The following CNTN4 variants were observed in gnomAD, a reference collection of about 807,000 sequenced individuals.
CNTN4 encodes contactin-4.
CNTN4 carries 77 observed loss-of-function variants against 122.5 expected under a neutral mutation model. That is an observed-to-expected ratio of 0.63 (90% CI 0.52 to 0.76). CNTN4 has a LOEUF of 0.76. CNTN4 is among the 30% of genes least tolerant of loss of function. CNTN4 has a pLI of 0.00. For synonymous variants in CNTN4, 512 were observed against 447.0 expected (o/e 1.15, Z -1.83); for missense variants, 1,256 against 1,259.1 (o/e 1.00, Z 0.04).
At chr3:2,316,284 T>C (rs957213411) in intron 2 of CNTN4, among the ~76,000 whole-genome samples, 2 of 152,090 alleles carry the variant, frequency 1.3e-5, no homozygotes, top group African/African-American at 4.8e-5. Context: ...TTCATCTGTC[T>C]GACAATAAAA....
rs556262254 is a variant in CNTN4 at position 2,397,453 on chromosome 3, C to T, written c.-89+58220C>T. Among the ~76,000 whole-genome samples, 79 of 150,376 alleles carry T rather than the reference C, an allele frequency of 5.3e-4. 2 individuals carry two copies. The South Asian group carries it at 0.012, about 23-fold the overall frequency. ...AAATTTATAAGCTTAAATTCTGTTC[C>T]GTTTTGTGAGCACAAGATTAGTCTC... is the stretch of plus-strand genomic sequence containing the variant. On this transcript the variant is annotated intron_variant, in intron 3 of 24. Transcript: ENST00000418658.
chr3:2,798,397 C>CTATCTATCTATCTATCTATCTATCTATA lies in CNTN4; in HGVS notation c.359-21076_359-21075insATCTATCTATCTATATATCTATCTATCT, dbSNP rs1422567263. Among the ~76,000 whole-genome samples, 182 of 148,126 alleles carry CTATCTATCTATCTATCTATCTATCTATA rather than the reference C, an allele frequency of 1.2e-3. 1 individual carries two copies. Among genetic ancestry groups the CTATCTATCTATCTATCTATCTATCTATA allele is most frequent in the Admixed American group, 1.8e-3 (26 of 14,560 alleles). On this transcript the variant is annotated intron_variant, in intron 6 of 24. Transcript: ENST00000418658. ...TCTATCTATCTATCTATCTATATAT[C>CTATCTATCTATCTATCTATCTATCTATA]TATCTATCTATCTCCCATTTTCTTT... is the stretch of plus-strand genomic sequence containing the variant.
intron 2 of CNTN4, among the ~76,000 whole-genome samples, chr3:2,259,021 G>A (rs371991711): frequency 6.6e-6 from 1 of 151,876 alleles, no homozygotes; most frequent in Non-Finnish European, 1.5e-5. Flanking sequence ...GTGAGGAGAC[G>A]AAGACATACA....
At chr3:2,425,430 A>C (rs1471547013) in intron 3 of CNTN4, among the ~76,000 whole-genome samples, 1 of 151,992 alleles carries the variant, frequency 6.6e-6, no homozygotes, top group East Asian at 1.9e-4. Flanking sequence ...ATTGGTCTTC[A>C]TCTCTGTTTT....
At chr3:2,900,626 A>T in intron 10 of CNTN4, 59 bp from the exon 11 acceptor site, 1 of 1,575,368 alleles carries the variant, frequency 6.3e-7, no homozygotes, top group Non-Finnish European at 8.7e-7. Flanking sequence ...TGAATATGAT[A>T]AAAATAGATT....
At chr3:2,421,725 G>T (rs963622563) in intron 3 of CNTN4, among the ~76,000 whole-genome samples, 2 of 152,096 alleles carry the variant, frequency 1.3e-5, no homozygotes, top group African/African-American at 4.8e-5. Context: ...CAAACACCAA[G>T]ACCATTTGTA....
chr3:2,350,256 G>A (rs1685496), intron 3 of CNTN4, among the ~76,000 whole-genome samples: 52,682 of 152,032 alleles, frequency 0.35, 9,362 homozygotes, highest in Admixed American at 0.4. Context: ...AACCATGTTG[G>A]TAATGACAGA....
chr3:2,447,217 C>T (rs995727700), intron 3 of CNTN4, among the ~76,000 whole-genome samples: 2 of 152,088 alleles, frequency 1.3e-5, no homozygotes, highest in Non-Finnish European at 2.9e-5. Flanking sequence ...AGTACCCCAC[C>T]TCCCTCCATA....
chr3:2,710,915 T>A (rs1222319776), intron 4 of CNTN4, among the ~76,000 whole-genome samples: 1 of 152,100 alleles, frequency 6.6e-6, no homozygotes, highest in East Asian at 1.9e-4. Flanking sequence ...AGCATGAAAA[T>A]GTACTTGACC....
chr3:2,740,907 T>C (rs1353276572), intron 5 of CNTN4, among the ~76,000 whole-genome samples: 1 of 152,200 alleles, frequency 6.6e-6, no homozygotes, highest in African/African-American at 2.4e-5. Flanking sequence ...ATCAAACATA[T>C]TCATTATTCA....
intron 8 of CNTN4, among the ~76,000 whole-genome samples, chr3:2,881,374 A>G (rs1397233813): frequency 3.9e-5 from 6 of 152,256 alleles, no homozygotes; most frequent in African/African-American, 1.4e-4. Context: ...GTAGCCATGC[A>G]TGGTGGCACG....
intron 13 of CNTN4, among the ~76,000 whole-genome samples, chr3:2,973,039 T>G (rs1364306701): frequency 6.6e-6 from 1 of 152,064 alleles, no homozygotes; most frequent in African/African-American, 2.4e-5. Context: ...TGTTCTGTCA[T>G]CATGAGAATT....
chr3:2,745,495 TTATC>T (rs1344539324), intron 5 of CNTN4, 23 bp from the exon 6 acceptor site: 2 of 1,577,912 alleles, frequency 1.3e-6, no homozygotes, highest in East Asian at 4.5e-5. Context: ...TGACAAGACT[TTATC>T]TACTGGCATT....
chr3:2,395,766 A>T (rs1171476742), intron 3 of CNTN4, among the ~76,000 whole-genome samples: 1 of 152,178 alleles, frequency 6.6e-6, no homozygotes, highest in Non-Finnish European at 1.5e-5. Flanking sequence ...CATGAATGAC[A>T]TGATGTCATT....
At chr3:2,716,192 T>A (rs923970664) in intron 4 of CNTN4, among the ~76,000 whole-genome samples, 2 of 152,148 alleles carry the variant, frequency 1.3e-5, no homozygotes, top group South Asian at 4.1e-4. Context: ...CATTTTTTAA[T>A]ATACCAATTA....
intron 2 of CNTN4, among the ~76,000 whole-genome samples, chr3:2,280,897 G>A (rs1197656474): frequency 1.3e-5 from 2 of 152,180 alleles, no homozygotes; most frequent in Non-Finnish European, 2.9e-5. Context: ...CGTCACACTG[G>A]CATCAACCTC....
intron 2 of CNTN4, among the ~76,000 whole-genome samples, chr3:2,162,781 C>A (rs1332618310): frequency 2.0e-5 from 3 of 152,114 alleles, no homozygotes; most frequent in Non-Finnish European, 4.4e-5. Flanking sequence ...GAGGATATCA[C>A]ATTTATCAAA....
chr3:2,326,519 C>T (rs12634092), intron 2 of CNTN4, among the ~76,000 whole-genome samples: 2,595 of 140,020 alleles, frequency 0.019, 64 homozygotes, highest in East Asian at 0.076. Flanking sequence ...CACACACACA[C>T]ACACACACAA....
At chr3:2,575,176 T>C (rs1193700031) in intron 4 of CNTN4, among the ~76,000 whole-genome samples, 1 of 151,972 alleles carries the variant, frequency 6.6e-6, no homozygotes, top group Non-Finnish European at 1.5e-5. Flanking sequence ...ATCATATGTA[T>C]CCCCAAAATA....
Sources: gnomAD v4.1 joint callset for allele counts (sites outside exome capture counted in the v4.1 genomes callset) on GRCh38, gnomAD v4.1.1 for gene constraint, MANE v1.5 for transcripts, NCBI Gene and HGNC (gene_info 2026-07-23, HGNC 2026-07-21) for gene names.